The following BAZ1B variants were observed in gnomAD, a reference collection of about 807,000 sequenced individuals.
BAZ1B encodes the protein bromodomain adjacent to zinc finger domain 1B.
BAZ1B carries 22 observed loss-of-function variants against 153.8 expected under a neutral mutation model. That is an observed-to-expected ratio of 0.14 (90% CI 0.10 to 0.20). The LOEUF (loss-of-function observed/expected upper bound fraction) is 0.20. Among genes scored for constraint, BAZ1B ranks in the 10% least tolerant of loss-of-function variants. The pLI is 1.00. For missense variants in BAZ1B, 1,325 were observed against 1,799.3 expected (o/e 0.74, Z 4.77); for synonymous variants, 676 against 633.4 (o/e 1.07, Z -1.01).
intron 6 of BAZ1B, 115 bp downstream of exon 6, chr7:73,489,079 T>C: frequency 8.9e-7 from 1 of 1,129,330 alleles, no homozygotes; most frequent in Non-Finnish European, 1.2e-6. Context: ...TGAAAAATTT[T>C]TAATTCATTA....
At chr7:73,472,879 CCCGAGTAGCTGGAATTATAGG>C (rs1234920957) in intron 7 of BAZ1B, among the ~76,000 whole-genome samples, 5 of 151,720 alleles carry the variant, frequency 3.3e-5, no homozygotes, top group South Asian at 2.1e-4. Flanking sequence ...GTCTCAGCTT[CCCGAGTAGCTGGAATTATAGG>C]CCGAGTAGCT....
At chr7:73,459,077 T>C (rs1554569958) in intron 13 of BAZ1B, among the ~76,000 whole-genome samples, 1 of 151,392 alleles carries the variant, frequency 6.6e-6, no homozygotes, top group Non-Finnish European at 1.5e-5. Flanking sequence ...TGAAACCCCG[T>C]CTCTACTAAA....
At chr7:73,482,480 G>A (rs1789240414) in intron 6 of BAZ1B, among the ~76,000 whole-genome samples, 1 of 152,116 alleles carries the variant, frequency 6.6e-6, no homozygotes, top group Non-Finnish European at 1.5e-5. Flanking sequence ...CAGAACAACA[G>A]ATTATATATT....
At chr7:73,490,361 CACTT>C (rs1184705834) in intron 5 of BAZ1B, among the ~76,000 whole-genome samples, 6 of 152,060 alleles carry the variant, frequency 3.9e-5, no homozygotes, top group East Asian at 1.9e-4. Flanking sequence ...TTTTAAAAGT[CACTT>C]AATAGCAGGA....
At chr7:73,519,486 AAT>A (rs782202416) in intron 1 of BAZ1B, among the ~76,000 whole-genome samples, 31 of 152,150 alleles carry the variant, frequency 2.0e-4, no homozygotes, top group Non-Finnish European at 4.0e-4. Flanking sequence ...CCCAATATAT[AAT>A]ATGTTTTAAG....
intron 7 of BAZ1B, among the ~76,000 whole-genome samples, chr7:73,476,041 T>C (rs1323572086): frequency 6.6e-6 from 1 of 152,128 alleles, no homozygotes; most frequent in Non-Finnish European, 1.5e-5. Context: ...TGTAAAACAT[T>C]ATGCTAAGTG....
chr7:73,493,056 C>T, intron 4 of BAZ1B, 135 bp from the exon 5 acceptor site: 2 of 912,290 alleles, frequency 2.2e-6, no homozygotes, highest in Non-Finnish European at 1.6e-6. Context: ...ATCATAATGT[C>T]CTTAACTTCA....
At chr7:73,474,710 G>A (rs1337225861) in intron 7 of BAZ1B, among the ~76,000 whole-genome samples, 1 of 152,212 alleles carries the variant, frequency 6.6e-6, no homozygotes, top group Non-Finnish European at 1.5e-5. Flanking sequence ...AGGAGGCAGA[G>A]GTTTCAGGGA....
At chr7:73,493,050 T>C (rs943298505) in intron 4 of BAZ1B, 129 bp from the exon 5 acceptor site, 10 of 964,694 alleles carry the variant, frequency 1.0e-5, no homozygotes, top group Non-Finnish European at 1.3e-5. Flanking sequence ...AAATGAATCA[T>C]AATGTCCTTA....
At chr7:73,453,069 G>T (rs1554568801) in intron 13 of BAZ1B, among the ~76,000 whole-genome samples, 1 of 152,252 alleles carries the variant, frequency 6.6e-6, no homozygotes, top group East Asian at 1.9e-4. Flanking sequence ...CTGAATCCTA[G>T]ATTAGAGACT....
intron 3 of BAZ1B, 89 bp downstream of exon 3, chr7:73,508,238 G>A (rs373225088): frequency 7.3e-7 from 1 of 1,366,142 alleles, no homozygotes; most frequent in Non-Finnish European, 1.0e-6. Context: ...ATATAACACA[G>A]TTTTACACAC....
At position 73,491,742 on chromosome 7, in the gene BAZ1B, AAGATTTGGGTTACAATC is replaced by A. The variant is rs559933513; in HGVS notation, c.693+1041_693+1057del. 3.3e-5 allele frequency among the ~76,000 whole-genome samples: 5 copies of A among 152,342 alleles called. No homozygotes were observed. In the East Asian group the frequency reaches 9.6e-4, roughly 29 times the overall value. On this transcript the variant is annotated intron_variant, in intron 5 of 19. Transcript: ENST00000339594. ...CAAAACAATGTAAATAAAGAAGCAA[AAGATTTGGGTTACAATC>A]CTTCCCATTTTCATTTACTGAATCA... is the stretch of plus-strand genomic sequence containing the variant.
chr7:73,513,849 C>T (rs1292417627), intron 1 of BAZ1B, among the ~76,000 whole-genome samples: 1 of 151,058 alleles, frequency 6.6e-6, no homozygotes, highest in African/African-American at 2.4e-5. Context: ...CTGAACATAG[C>T]GACTTTACAA....
chr7:73,492,320 G>A (rs1047078440), intron 5 of BAZ1B, among the ~76,000 whole-genome samples: 4 of 152,076 alleles, frequency 2.6e-5, no homozygotes, highest in African/African-American at 4.8e-5. Context: ...CCGCCACCAC[G>A]CCCGGCTAAT....
intron 1 of BAZ1B, among the ~76,000 whole-genome samples, chr7:73,518,145 T>C (rs1236450543): frequency 6.6e-6 from 1 of 151,678 alleles, no homozygotes; most frequent in East Asian, 1.9e-4. Flanking sequence ...CTCACGTCTG[T>C]AATCCCAGAA....
rs927777039 is a variant in BAZ1B, at chr7:73,472,439, G to A, written c.2594-1956C>T. 2.6e-5 allele frequency among the ~76,000 whole-genome samples: 4 copies of A among 151,650 alleles called. No homozygotes were observed. In the East Asian group the frequency reaches 7.8e-4, roughly 29 times the overall value. On this transcript the variant is annotated intron_variant, in intron 7 of 19. Transcript: ENST00000339594. ...ACGCCCGGCTAATTTTGTATTTTTA[G>A]TAGAGACAAGGTTTCTTCATGTTGG...
chr7:73,499,559 A>G (rs1554576838), intron 3 of BAZ1B, among the ~76,000 whole-genome samples: 1 of 152,162 alleles, frequency 6.6e-6, no homozygotes, highest in African/African-American at 2.4e-5. Context: ...AAAATTAGCC[A>G]AGCATGATGG....
intron 6 of BAZ1B, among the ~76,000 whole-genome samples, chr7:73,484,978 A>G (rs1789347726): frequency 1.3e-5 from 2 of 152,244 alleles, no homozygotes; most frequent in African/African-American, 4.8e-5. Context: ...TTTGGTTAAA[A>G]GATTACTGAA....
intron 1 of BAZ1B, among the ~76,000 whole-genome samples, chr7:73,515,712 A>G (rs922779780): frequency 3.3e-5 from 5 of 151,020 alleles, no homozygotes; most frequent in African/African-American, 1.2e-4. Flanking sequence ...TAATTTTTCT[A>G]TTTTTTTTGT....
Sources: allele counts gnomAD v4.1 joint callset (sites outside exome capture counted in the v4.1 genomes callset), GRCh38; gene constraint gnomAD v4.1.1; transcripts MANE v1.5; gene names NCBI Gene and HGNC (gene_info 2026-07-23, HGNC 2026-07-21).